PCIF1: variants seen among roughly 807,000 people sequenced by gnomAD.
PCIF1 encodes phosphorylated CTD interacting factor 1.
PCIF1 carries 12 observed loss-of-function variants against 86.9 expected under a neutral mutation model. That is an observed-to-expected ratio of 0.14 (90% CI 0.09 to 0.22). The LOEUF is 0.22. PCIF1 is among the 10% of genes least tolerant of loss of function. PCIF1 has a pLI of 1.00. For missense variants in PCIF1, 701 were observed against 951.1 expected (o/e 0.74, Z 3.46); for synonymous variants, 397 against 372.0 (o/e 1.07, Z -0.77).
intron 10 of PCIF1, 69 bp from the exon 11 acceptor site, chr20:45,944,799 G>A (rs950585123): frequency 2.6e-6 from 4 of 1,534,894 alleles, no homozygotes; most frequent in East Asian, 2.3e-5. Context: ...ACAGCCCTGC[G>A]GTTACCTGCC....
At chr20:45,938,298 A>G (rs1459526273) in intron 2 of PCIF1, among the ~76,000 whole-genome samples, 1 of 152,226 alleles carries the variant, frequency 6.6e-6, no homozygotes, top group African/African-American at 2.4e-5. Context: ...GCTTCCTGCC[A>G]TGTAGTGTAA....
intron 14 of PCIF1, 144 bp from the exon 15 acceptor site, chr20:45,946,929 T>C: frequency 1.5e-6 from 1 of 657,716 alleles, no homozygotes; most frequent in Non-Finnish European, 2.7e-6. Flanking sequence ...CGGTCATGCC[T>C]TGTGCCCCAA....
At position 45,947,654 on chromosome 20, in the gene PCIF1, C is replaced by T. The variant is rs531918762; in HGVS notation, c.2014C>T (p.Arg672Cys). The change falls in exon 17 of 17, where the codon CGC (arginine) becomes TGC (cysteine). Residue 672 changes from arginine (R) to cysteine (C), a missense_variant. This residue lies in a region of PCIF1 where 174 missense variants were observed against 206.9 expected (regional missense o/e 0.84). Transcript: ENST00000372409. The surrounding 1 kb of genome is among the most constrained non-coding windows in gnomAD (Gnocchi z 5.4). ...GAGTGCTGCCTACCGGCAGTCAGGCCGCAGCCACAGCTCTGGTTCTTCCTC... is the reference window on the plus strand; with the variant it reads ...GAGTGCTGCCTACCGGCAGTCAGGCTGCAGCCACAGCTCTGGTTCTTCCTC... ...ELSAAYRQSG[R>C]SHSSGSSSSS... The T allele has an allele frequency of 2.5e-5, 40 of 1,612,482 alleles. No individual in the cohort carries two copies. Among genetic ancestry groups the T allele is most frequent in the Admixed American group, 1.0e-4 (6 of 60,020 alleles).
chr20:45,946,520 T>G, intron 14 of PCIF1, 136 bp downstream of exon 14: 1 of 1,075,880 alleles, frequency 9.3e-7, no homozygotes, highest in Non-Finnish European at 1.3e-6. Context: ...CTATGTGACC[T>G]TGGACATGTT....
rs769011759 is a variant in PCIF1, at chr20:45,947,601, C to T, written c.1961C>T (p.Ala654Val). Reference protein sequence around the residue: ...LQNDPGFAKWAPTPERLQELS... With the variant: ...LQNDPGFAKWVPTPERLQELS... ...AACGACCCTGGCTTTGCCAAGTGGGCGCCGACGCCTGAACGGCTGCAGGAG... is the reference window on the plus strand; with the variant it reads ...AACGACCCTGGCTTTGCCAAGTGGGTGCCGACGCCTGAACGGCTGCAGGAG... The change falls in exon 17 of 17, where the codon GCG becomes GTG. Residue 654 changes from alanine (A) to valine (V), a missense_variant. Transcript: ENST00000372409. The surrounding 1 kb of genome is among the most constrained non-coding windows in gnomAD (Gnocchi z 5.4). The T allele has an allele frequency of 1.5e-5, 24 of 1,613,198 alleles. No homozygotes were observed. The highest frequency in any genetic ancestry group is 4.4e-5 in the South Asian group (4 of 91,078).
In PCIF1 at chr20:45,947,893, T is replaced by A; in HGVS notation, c.*138T>A. The A allele has an allele frequency of 6.5e-7, 1 of 1,532,692 alleles. No homozygotes were observed. The highest frequency in any genetic ancestry group is 2.4e-5 in the East Asian group (1 of 40,892). 94.9% of individuals were successfully genotyped at this position (1,532,692 alleles called of 1,614,324 possible). Reference sequence around the variant, plus strand: ...CTGCCAGGGCTCCCCTCCCTGCCTGTCCCCAAGTCCTCACCTCAAACTCCC... The same window carrying A: ...CTGCCAGGGCTCCCCTCCCTGCCTGACCCCAAGTCCTCACCTCAAACTCCC... On this transcript the variant is annotated 3_prime_UTR_variant, in exon 17 of 17. Transcript: ENST00000372409. The surrounding 1 kb of genome is among the most constrained non-coding windows in gnomAD (Gnocchi z 5.4).
intron 2 of PCIF1, among the ~76,000 whole-genome samples, chr20:45,938,232 T>C (rs1407909603): frequency 6.6e-6 from 1 of 152,250 alleles, no homozygotes; most frequent in African/African-American, 2.4e-5. Flanking sequence ...CTGGGGATTA[T>C]GAAGGAGTCA....
chr20:45,940,284 G>A (rs926201959), intron 4 of PCIF1, among the ~76,000 whole-genome samples, 191 bp from the exon 5 acceptor site: 8 of 152,176 alleles, frequency 5.3e-5, no homozygotes, highest in African/African-American at 1.9e-4. Context: ...AACTGGAAGG[G>A]AAGTAACACA....
Position 45,945,726 on chromosome 20 carries a change from C to G in PCIF1, c.1184C>G (p.Pro395Arg). 4.3e-6 allele frequency: 7 copies of G among 1,613,592 alleles called. No individual in the cohort carries two copies. Among genetic ancestry groups the G allele is most frequent in the Non-Finnish European group, 5.1e-6 (6 of 1,179,826 alleles). Residue 395 changes from proline (P) to arginine (R), a missense_variant, in exon 12 of 17, where the codon CCT becomes CGT. Around this residue, in one of 7 missense-constraint regions of PCIF1, gnomAD observed 121 missense variants for 131.7 expected, o/e 0.92. Coordinates refer to ENST00000372409, the MANE Select transcript of PCIF1 (RefSeq NM_022104.4). ...CTGCCCACAGAGGAGGTGGAGGCCC[C>G]TGAGGTGGAGCCCCGCCTAGTGTAC... ...ENNISEEVEA[P>R]EVEPRLVYCY...
chr20:45,940,946 C>G lies in PCIF1; in HGVS notation c.518+7C>G, dbSNP rs760093551. The G allele has an allele frequency of 1.2e-6, 2 of 1,614,034 alleles. No individual in the cohort carries two copies. Among genetic ancestry groups the G allele is most frequent in the East Asian group, 2.2e-5 (1 of 44,890 alleles). On this transcript the variant is annotated splice_region_variant and intron_variant, in intron 6 of 16. Coordinates refer to ENST00000372409, the MANE Select transcript of PCIF1 (RefSeq NM_022104.4). ...CTCTCCTACGACCCACTGAGTGAGTCCCTGCTGATTGGCTTGGGGGCACCC... is the reference window on the plus strand; with the variant it reads ...CTCTCCTACGACCCACTGAGTGAGTGCCTGCTGATTGGCTTGGGGGCACCC...
intron 2 of PCIF1, 54 bp from the exon 3 acceptor site, chr20:45,938,927 G>A: frequency 6.3e-7 from 1 of 1,595,550 alleles, no homozygotes; most frequent in Non-Finnish European, 8.5e-7. Flanking sequence ...TGGGTGGATT[G>A]TAATTGGCGG....
rs187446348 is a variant in PCIF1 at position 45,936,193 on chromosome 20, G to C, written c.-187-1225G>C. ...TTTTTTATTTTTATTTATTTATTTT[G>C]AGACGGAGTCTTGCTCTGTCGCCTG... On this transcript the variant is annotated intron_variant, in intron 1 of 16. Transcript: ENST00000372409. Among the ~76,000 whole-genome samples, 1,214 of 152,026 alleles carry C rather than the reference G, an allele frequency of 8.0e-3. 18 individuals are homozygous for C. Among genetic ancestry groups the C allele is most frequent in the South Asian group, 0.052 (249 of 4,812 alleles).
chr20:45,934,705 A>C lies in PCIF1; in HGVS notation c.-287A>C, dbSNP rs2083399043. 2.5e-6 allele frequency: 1 copy of C among 398,640 alleles called. No individual in the cohort carries two copies. The highest frequency in any genetic ancestry group is 4.4e-6 in the Non-Finnish European group (1 of 225,942). The allele number at this position is 398,640 out of a possible 1,614,324, so 24.7% of individuals were successfully genotyped here. A position where few individuals can be genotyped will look rare whatever the true frequency, so the allele number is the denominator to read the frequency against. On this transcript the variant is annotated 5_prime_UTR_variant, in exon 1 of 17. Transcript: ENST00000372409. The stretch of plus-strand genomic sequence containing the variant: ...AGCGCGGAGTCCCGGCCCGGGACAC[A>C]AGATGGCGGCAGCGGCGCTGGGGAG...
At chr20:45,942,862 C>T (rs919406994) in intron 7 of PCIF1, among the ~76,000 whole-genome samples, 5 of 149,344 alleles carry the variant, frequency 3.3e-5, no homozygotes, top group Non-Finnish European at 7.4e-5. Flanking sequence ...GTCCTTCCAC[C>T]TTAGCCTTCC....
chr20:45,947,648 T>G lies in PCIF1; in HGVS notation c.2008T>G (p.Ser670Ala). 6.2e-7 allele frequency: 1 copy of G among 1,612,464 alleles called. No homozygotes were observed. Reference sequence around the variant, plus strand: ...GGAGCTGAGTGCTGCCTACCGGCAGTCAGGCCGCAGCCACAGCTCTGGTTC... The same window carrying G: ...GGAGCTGAGTGCTGCCTACCGGCAGGCAGGCCGCAGCCACAGCTCTGGTTC... ...LQELSAAYRQ[S>A]GRSHSSGSSS... The change falls in exon 17 of 17, where the codon TCA (serine) becomes GCA (alanine). Residue 670 changes from serine to alanine, a missense_variant. Ser to Ala is a moderately conservative substitution (Grantham distance 99, BLOSUM62 1). This residue lies in a region of PCIF1 where 174 missense variants were observed against 206.9 expected (regional missense o/e 0.84). Transcript: ENST00000372409. This position sits in a 1 kb window ranked among gnomAD's most constrained non-coding sequence, Gnocchi z 5.4.
chr20:45,939,181 C>A (rs773124052), intron 3 of PCIF1, 34 bp from the exon 4 acceptor site: 1 of 1,614,012 alleles, frequency 6.2e-7, no homozygotes, highest in Non-Finnish European at 8.5e-7. Flanking sequence ...TGGGAGCAGT[C>A]CTGACCCTGG....
In PCIF1 at chr20:45,946,025, A is replaced by G. The variant is rs759409634; in HGVS notation, c.1342-4A>G. 6 of 1,614,046 alleles carry G rather than the reference A, an allele frequency of 3.7e-6. No homozygotes were observed. The African/African-American group carries it at 8.0e-5, about 22-fold the overall frequency. On this transcript the variant is annotated splice_polypyrimidine_tract_variant and splice_region_variant and intron_variant, in intron 12 of 16. Coordinates refer to ENST00000372409, the MANE Select transcript of PCIF1 (RefSeq NM_022104.4). ...AGGCTCCTCCTCTCTGTCCCGCTCC[A>G]CAGTGGCTCCTTTACCGCTACAGCT...
rs1310462788 is a variant in PCIF1 at position 45,945,832 on chromosome 20, C to T, written c.1290C>T (p.Ile430=). 1 of 1,613,806 alleles carries T rather than the reference C, an allele frequency of 6.2e-7. No individual in the cohort carries two copies. Among genetic ancestry groups the T allele is most frequent in the Non-Finnish European group, 8.5e-7 (1 of 1,180,036 alleles). ...EMHMENNVVC[I]RYKGEMVKVS... ...ACATGGAGAACAACGTGGTCTGCAT[C>T]CGGTATAAGGGAGAGATGGTCAAGG... The change falls in exon 12 of 17, where the codon ATC becomes ATT. Residue 430 remains isoleucine (I), a synonymous_variant. Transcript: ENST00000372409.
chr20:45,947,813 G>A lies in PCIF1; in HGVS notation c.*58G>A. 2 of 1,549,132 alleles carry A rather than the reference G, an allele frequency of 1.3e-6. No homozygotes were observed. Among genetic ancestry groups the A allele is most frequent in the Non-Finnish European group, 1.7e-6 (2 of 1,161,552 alleles). Reference sequence around the variant, plus strand: ...GCTAGTCTGGACTGCTGGGACTCGGGCCCCTGGGGCCTCAGAGGGACCCCG... The same window carrying A: ...GCTAGTCTGGACTGCTGGGACTCGGACCCCTGGGGCCTCAGAGGGACCCCG... On this transcript the variant is annotated 3_prime_UTR_variant, in exon 17 of 17. Transcript: ENST00000372409. This position sits in a 1 kb window ranked among gnomAD's most constrained non-coding sequence, Gnocchi z 5.4.
Sources: allele counts gnomAD v4.1 joint callset (sites outside exome capture counted in the v4.1 genomes callset), GRCh38; gene constraint gnomAD v4.1.1; regional missense constraint gnomAD v4.1.1; non-coding constraint Gnocchi (gnomAD v3.1); transcripts MANE v1.5; gene names NCBI Gene and HGNC (gene_info 2026-07-23, HGNC 2026-07-21).